The following MUC13 variants were observed in gnomAD, a reference collection of about 807,000 sequenced individuals.
MUC13 encodes the protein mucin-13.
A neutral mutation model predicts 48.3 loss-of-function variants in MUC13; 32 were observed. The ratio of observed to expected loss-of-function variants is 0.66; its 90% CI spans 0.50 to 0.89. The LOEUF is 0.89. Ranked by LOEUF, MUC13 falls within the 40% of genes least tolerant of loss-of-function variation. MUC13 has a pLI of 0.00. For missense variants in MUC13, 571 were observed against 622.8 expected (o/e 0.92, Z 0.88); for synonymous variants, 199 against 224.9 (o/e 0.88, Z 1.03).
At chr3:124,909,165 G>A (rs543955197) in intron 10 of MUC13, among the ~76,000 whole-genome samples, 15 of 150,048 alleles carry the variant, frequency 1.0e-4, no homozygotes, top group Admixed American at 2.0e-4. Context: ...AAAAAAAAAA[G>A]AGAAAAAACA....
At chr3:124,932,553 T>A (rs1935815199) in intron 1 of MUC13, among the ~76,000 whole-genome samples, 2 of 144,340 alleles carry the variant, frequency 1.4e-5, no homozygotes, top group Non-Finnish European at 3.0e-5. Flanking sequence ...GCGACAAGAG[T>A]GAAACTCGGT....
chr3:124,910,368 C>T, intron 10 of MUC13, 47 bp downstream of exon 10: 1 of 1,587,224 alleles, frequency 6.3e-7, no homozygotes, highest in South Asian at 1.1e-5. Flanking sequence ...ACCCCCCCAT[C>T]TCTCTATAAA....
In MUC13 at chr3:124,934,679, G is replaced by A. The variant is rs1267254469; in HGVS notation, c.34C>T (p.Leu12Phe). The A allele has an allele frequency of 3.1e-6, 5 of 1,609,854 alleles. No homozygotes were observed. The highest frequency in any genetic ancestry group is 4.3e-6 in the Non-Finnish European group (5 of 1,176,426). ...TCCTTACCTGTGTTTACAGAAAGGA[G>A]AGCAAGAAGAGTAAGATGAATGATG... is the stretch of plus-strand genomic sequence containing the variant. ...KAIIHLTLLA[L>F]LSVNTATNQG... The change falls in exon 1 of 12, where the codon CTC becomes TTC. Residue 12 changes from leucine (L) to phenylalanine (F), a missense_variant. Leu to Phe is a conservative substitution (Grantham distance 22). Transcript: ENST00000616727.
At chr3:124,909,485 C>CCTGTGTGTGTGT (rs372823172) in intron 10 of MUC13, among the ~76,000 whole-genome samples, 8 of 148,342 alleles carry the variant, frequency 5.4e-5, no homozygotes, top group Non-Finnish European at 8.9e-5. Context: ...TGTGTGCTTG[C>CCTGTGTGTGTGT]GTGTGTGTGT....
At chr3:124,926,659 G>A (rs1387012444) in intron 2 of MUC13, among the ~76,000 whole-genome samples, 2 of 152,224 alleles carry the variant, frequency 1.3e-5, no homozygotes, top group Non-Finnish European at 2.9e-5. Flanking sequence ...TTTCCCATCT[G>A]AGAATGATAG....
intron 5 of MUC13, 124 bp downstream of exon 5, chr3:124,920,110 T>C: frequency 1.2e-6 from 1 of 827,298 alleles, no homozygotes; most frequent in South Asian, 1.5e-5. Flanking sequence ...AGACTGAGAC[T>C]GACCCTCTCC....
At chr3:124,932,907 A>G (rs1393714901) in intron 1 of MUC13, among the ~76,000 whole-genome samples, 2 of 152,110 alleles carry the variant, frequency 1.3e-5, no homozygotes, top group South Asian at 2.1e-4. Flanking sequence ...TGATTCCCTT[A>G]ACTCTCTATT....
At chr3:124,907,644 T>TCA (rs1559995799) in intron 11 of MUC13, among the ~76,000 whole-genome samples, 1 of 142,546 alleles carries the variant, frequency 7.0e-6, no homozygotes, top group Admixed American at 7.2e-5. Context: ...CAAATAGAAC[T>TCA]TATATATATA....
chr3:124,910,313 G>T, intron 10 of MUC13, 102 bp downstream of exon 10: 1 of 1,474,072 alleles, frequency 6.8e-7, no homozygotes, highest in Non-Finnish European at 9.1e-7. Flanking sequence ...GTGGGAGGAT[G>T]GCTTGAGTTC....
At chr3:124,908,812 A>G (rs551587984) in intron 10 of MUC13, among the ~76,000 whole-genome samples, 1 of 152,356 alleles carries the variant, frequency 6.6e-6, no homozygotes, top group South Asian at 2.1e-4. Flanking sequence ...AGCAAAGTCA[A>G]CATCTAAGAA....
At chr3:124,907,766 C>A (rs1209978620) in intron 11 of MUC13, among the ~76,000 whole-genome samples, 2 of 152,046 alleles carry the variant, frequency 1.3e-5, no homozygotes, top group Non-Finnish European at 2.9e-5. Flanking sequence ...ATGTTTACAT[C>A]CAGTGTCCTT....
Position 124,906,245 on chromosome 3 carries a change from C to G in MUC13, c.*498G>C, listed in dbSNP as rs553350203. On this transcript the variant is annotated 3_prime_UTR_variant, in exon 12 of 12. Coordinates refer to ENST00000616727, the MANE Select transcript of MUC13 (RefSeq NM_033049.4). ...AAGCAGTGTCCCTATTCTGACTTGT[C>G]AGAGAGTGAGCTTGTGACCCTTGAA... 1 of 152,652 alleles carries G rather than the reference C, an allele frequency of 6.6e-6. No homozygotes were observed. The allele number at this position is 152,652 out of a possible 1,614,324, so 9.5% of individuals were successfully genotyped here. A position where few individuals can be genotyped will look rare whatever the true frequency, so the allele number is the denominator to read the frequency against.
At chr3:124,929,299 C>A (rs1023981319) in intron 1 of MUC13, among the ~76,000 whole-genome samples, 4 of 152,178 alleles carry the variant, frequency 2.6e-5, no homozygotes, top group Admixed American at 6.5e-5. Context: ...ACCTTGGCCG[C>A]CCAAGTGTTA....
chr3:124,922,452 T>C, intron 3 of MUC13, 149 bp from the exon 4 acceptor site: 2 of 1,031,504 alleles, frequency 1.9e-6, no homozygotes, highest in Middle Eastern at 3.0e-4. Flanking sequence ...TTACCCATCA[T>C]CCTGCCCAAC....
chr3:124,916,262 A>G, intron 6 of MUC13, 55 bp downstream of exon 6: 1 of 1,390,560 alleles, frequency 7.2e-7, no homozygotes, highest in South Asian at 1.3e-5. Context: ...AAAGGTTTAC[A>G]AAAAAGGTAG....
intron 1 of MUC13, among the ~76,000 whole-genome samples, chr3:124,929,701 A>G (rs551984923): frequency 6.6e-6 from 1 of 152,324 alleles, no homozygotes; most frequent in South Asian, 2.1e-4. Context: ...CCTGTGCCCG[A>G]CTGTACCTGT....
chr3:124,922,612 T>TTA (rs36105516), intron 3 of MUC13, among the ~76,000 whole-genome samples: 1 of 115,288 alleles, frequency 8.7e-6, no homozygotes, highest in Non-Finnish European at 1.9e-5. Context: ...TTTTTTTTTT[T>TTA]GAGAGAGAGA....
In MUC13 at chr3:124,916,451, C is replaced by T. The variant is rs777795843; in HGVS notation, c.830G>A (p.Arg277His). 3.9e-5 allele frequency: 63 copies of T among 1,612,940 alleles called. No individual in the cohort carries two copies. In the Middle Eastern group the frequency reaches 6.6e-4, roughly 17 times the overall value. ...STSLSPRSEM[R>H]ADDKFVNVTI... ...TACATTAACAAACTTGTCATCAGCA[C>T]GCATTTCAGATCTTGGTGACAGAGA... The change falls in exon 6 of 12, where the codon CGT becomes CAT. Residue 277 changes from arginine (R) to histidine (H), a missense_variant. Physicochemically the swap from Arg to His is conservative, Grantham distance 29. Transcript: ENST00000616727.
chr3:124,913,808 G>C (rs1214246092), intron 6 of MUC13, 127 bp from the exon 7 acceptor site: 5 of 990,870 alleles, frequency 5.0e-6, no homozygotes, highest in Non-Finnish European at 7.6e-6. Flanking sequence ...CAAGTGCAGT[G>C]GCTCACAACT....
Sources: allele counts gnomAD v4.1 joint callset (sites outside exome capture counted in the v4.1 genomes callset), GRCh38; gene constraint gnomAD v4.1.1; transcripts MANE v1.5; gene names NCBI Gene and HGNC (gene_info 2026-07-23, HGNC 2026-07-21).